Variants in CDK13 observed in about 807,000 individuals in gnomAD.
CDK13 encodes the protein cyclin dependent kinase 13.
In CDK13, 40 loss-of-function variants were observed where a neutral mutation model predicts 137.6. The observed-to-expected ratio is 0.29, with a 90% CI of 0.23 to 0.38. The LOEUF (loss-of-function observed/expected upper bound fraction) is 0.38. Among genes scored for constraint, CDK13 ranks in the 10% least tolerant of loss-of-function variants. CDK13 has a pLI of 1.00. For synonymous variants in CDK13, 869 were observed against 760.1 expected (o/e 1.14, Z -2.36); for missense variants, 1,704 against 1,951.8 (o/e 0.87, Z 2.39).
chr7:40,066,375 A>T (rs1786279407), intron 9 of CDK13, among the ~76,000 whole-genome samples: 1 of 152,248 alleles, frequency 6.6e-6, no homozygotes, highest in Non-Finnish European at 1.5e-5. Flanking sequence ...GATGCTCTTC[A>T]TTCCCTCTGT....
At chr7:39,957,670 G>A (rs190004823) in intron 1 of CDK13, among the ~76,000 whole-genome samples, 1 of 152,292 alleles carries the variant, frequency 6.6e-6, no homozygotes, top group Non-Finnish European at 1.5e-5. Context: ...AGTCACTTTA[G>A]TGTGAATGGA....
At chr7:40,081,804 G>T (rs1437172714) in intron 11 of CDK13, among the ~76,000 whole-genome samples, 1 of 152,122 alleles carries the variant, frequency 6.6e-6, no homozygotes, top group Admixed American at 6.5e-5. Flanking sequence ...TAGAGACAGG[G>T]TTTCTCCATG....
At chr7:40,045,432 C>CTTTTT (rs11362792) in intron 5 of CDK13, among the ~76,000 whole-genome samples, 1 of 130,780 alleles carries the variant, frequency 7.6e-6, no homozygotes, top group Non-Finnish European at 1.7e-5. Context: ...GGCCTGTACT[C>CTTTTT]TTTTTTTTTT....
chr7:39,974,963 C>T (rs889042365), intron 1 of CDK13, among the ~76,000 whole-genome samples: 3 of 152,078 alleles, frequency 2.0e-5, no homozygotes, highest in Non-Finnish European at 4.4e-5. Context: ...TGTCTTGTTC[C>T]TCATTTAGTC....
intron 11 of CDK13, among the ~76,000 whole-genome samples, chr7:40,080,408 G>A (rs776270967): frequency 6.6e-6 from 1 of 152,156 alleles, no homozygotes; most frequent in Admixed American, 6.5e-5. Context: ...CATGGGCTCT[G>A]GAGTTCAAAT....
chr7:40,057,253 C>G (rs754344677), intron 7 of CDK13, among the ~76,000 whole-genome samples: 1 of 151,298 alleles, frequency 6.6e-6, no homozygotes, highest in African/African-American at 2.4e-5. Flanking sequence ...AAAACTGTCT[C>G]AAAAGAAAAA....
At chr7:39,976,930 A>G (rs1278434252) in intron 1 of CDK13, among the ~76,000 whole-genome samples, 5 of 152,126 alleles carry the variant, frequency 3.3e-5, no homozygotes, top group Non-Finnish European at 5.9e-5. Flanking sequence ...GTGATACAAC[A>G]ATGAATTAGA....
At chr7:40,071,602 C>T (rs1181459736) in intron 9 of CDK13, 4 of 152,140 alleles carry the variant, frequency 2.6e-5, no homozygotes, top group Non-Finnish European at 5.9e-5. Flanking sequence ...GATCTTTTAT[C>T]TGTGATGATT....
intron 1 of CDK13, among the ~76,000 whole-genome samples, chr7:39,975,005 T>C (rs555413620): frequency 2.0e-4 from 31 of 152,290 alleles, no homozygotes; most frequent in African/African-American, 7.2e-4. Flanking sequence ...TGCAGATTCG[T>C]CATAAATGGC....
chr7:40,005,552 C>A (rs1029975098), intron 5 of CDK13, among the ~76,000 whole-genome samples: 1 of 152,030 alleles, frequency 6.6e-6, no homozygotes, highest in South Asian at 2.1e-4. Context: ...CTGCCTTGGC[C>A]GCCCAAAGTG....
chr7:40,088,508 A>T lies in CDK13; in HGVS notation c.3235+177A>T, dbSNP rs17538244. On this transcript the variant is annotated intron_variant, in intron 12 of 13. Coordinates refer to ENST00000181839, the MANE Select transcript of CDK13 (RefSeq NM_003718.5). ...TCATTGCTATTGGCACCACAATTTT[A>T]AGTAATCTTAAGGTAACTTATAAAG... Among the ~76,000 whole-genome samples, 308 of 152,296 alleles carry T rather than the reference A, an allele frequency of 2.0e-3. 11 individuals carry two copies. In the East Asian group the frequency reaches 0.048, roughly 24 times the overall value.
intron 5 of CDK13, among the ~76,000 whole-genome samples, chr7:40,040,481 G>A (rs985285889): frequency 1.3e-5 from 2 of 152,042 alleles, no homozygotes; most frequent in Non-Finnish European, 2.9e-5. Context: ...TCTCTTTCAG[G>A]TGTTACTTTG....
chr7:40,047,577 AATT>A (rs1785776699), intron 6 of CDK13, among the ~76,000 whole-genome samples: 1 of 151,904 alleles, frequency 6.6e-6, no homozygotes, highest in Admixed American at 6.6e-5. Context: ...ATAATACAGT[AATT>A]ATAATAATCA....
chr7:39,987,873 A>G lies in CDK13; in HGVS notation c.1486A>G (p.Thr496Ala). The G allele has an allele frequency of 6.2e-7, 1 of 1,614,248 alleles. No individual in the cohort carries two copies. Among genetic ancestry groups the G allele is most frequent in the Non-Finnish European group, 8.5e-7 (1 of 1,180,044 alleles). Reference protein sequence around the residue: ...AAKASNTSTPTKGNTETSASA... With the variant: ...AAKASNTSTPAKGNTETSASA... ...AAAAGCTTCAAACACTTCTACACCT[A>G]CCAAGGGGAACACGGAAACTAGTGC... The change falls in exon 2 of 14, where the codon ACC becomes GCC. Residue 496 changes from threonine (T) to alanine (A), a missense_variant. Physicochemically the swap from Thr to Ala is moderately conservative, Grantham distance 58. Coordinates refer to ENST00000181839, the MANE Select transcript of CDK13 (RefSeq NM_003718.5).
At chr7:39,992,945 A>G (rs967344062) in intron 2 of CDK13, among the ~76,000 whole-genome samples, 1 of 152,196 alleles carries the variant, frequency 6.6e-6, no homozygotes, top group African/African-American at 2.4e-5. Flanking sequence ...TTACTCTACT[A>G]GTAGTGATGT....
chr7:40,024,981 T>A (rs963370121), intron 5 of CDK13, among the ~76,000 whole-genome samples: 2 of 152,116 alleles, frequency 1.3e-5, no homozygotes, highest in African/African-American at 2.4e-5. Flanking sequence ...TGTGGTTTTT[T>A]AATCATCATA....
In CDK13 at chr7:39,987,854, T is replaced by G. The variant is rs775076481; in HGVS notation, c.1467T>G (p.Ala489=). The G allele has an allele frequency of 1.2e-6, 2 of 1,614,074 alleles. No individual in the cohort carries two copies. The highest frequency in any genetic ancestry group is 4.5e-5 in the East Asian group (2 of 44,904). The change falls in exon 2 of 14, where the codon GCT becomes GCG. Residue 489 remains alanine (A), a synonymous_variant. Transcript: ENST00000181839. ...AGGCTGCTGCCAAGGCTGCAAAAGC[T>G]TCAAACACTTCTACACCTACCAAGG... ...AAEAAAKAAK[A]SNTSTPTKGN... is the part of the protein sequence containing the mutation.
At chr7:40,087,681 T>C (rs1786822048) in intron 11 of CDK13, among the ~76,000 whole-genome samples, 1 of 151,378 alleles carries the variant, frequency 6.6e-6, no homozygotes, top group African/African-American at 2.4e-5. Flanking sequence ...CCTGAGTAGC[T>C]GGGATTACAG....
chr7:40,094,345 C>T lies in CDK13; in HGVS notation c.3904C>T (p.Leu1302=). The change falls in exon 14 of 14, where the codon CTG becomes TTG. Residue 1302 remains leucine (L), a synonymous_variant. Coordinates refer to ENST00000181839, the MANE Select transcript of CDK13 (RefSeq NM_003718.5). ...TDPHAGVKAA[L]LQLLAQHQPQ... is the part of the protein sequence containing the mutation. ...CCCTCATGCCGGAGTGAAGGCAGCCCTGTTACAGCTGCTTGCTCAGCATCA... is the reference window on the plus strand; with the variant it reads ...CCCTCATGCCGGAGTGAAGGCAGCCTTGTTACAGCTGCTTGCTCAGCATCA... The T allele has an allele frequency of 6.2e-7, 1 of 1,613,886 alleles. No individual in the cohort carries two copies. The highest frequency in any genetic ancestry group is 8.5e-7 in the Non-Finnish European group (1 of 1,179,926).
Sources: gnomAD v4.1 joint callset for allele counts (sites outside exome capture counted in the v4.1 genomes callset) on GRCh38, gnomAD v4.1.1 for gene constraint, MANE v1.5 for transcripts, NCBI Gene and HGNC (gene_info 2026-07-23, HGNC 2026-07-21) for gene names.